HMGB1: variants seen among roughly 807,000 people sequenced by gnomAD.
HMGB1 encodes the protein high mobility group protein B1.
For synonymous variants in HMGB1, 81 were observed against 84.0 expected, an observed-to-expected ratio of 0.96 and a Z score of 0.19; for missense variants, 79 against 253.5, an observed-to-expected ratio of 0.31 and a Z score of 4.67.
chr13:30,504,446 T>C (rs953181488), intron 1 of HMGB1, among the ~76,000 whole-genome samples: 4 of 152,228 alleles, frequency 2.6e-5, no homozygotes, highest in African/African-American at 9.6e-5. Context: ...TTTTGCTTTT[T>C]TTCCCCCCAA....
rs1047721370 is a variant in HMGB1 at position 30,554,839 on chromosome 13, T to C, written c.-15+61832A>G. On this transcript the variant is annotated intron_variant, in intron 1 of 4. Coordinates refer to the HMGB1 transcript ENST00000405805. ...CCTAATATTCATGACTTGAGAATAT[T>C]CTGGAGCTATAAATTTTGAACCACT... 1.1e-5 allele frequency: 8 copies of C among 749,038 alleles called. No homozygotes were observed. The African/African-American group carries it at 1.4e-4, about 13-fold the overall frequency. The allele number at this position is 749,038 out of a possible 1,614,324, so 46.4% of individuals were successfully genotyped here.
chr13:30,463,877 CAAACA>C (rs376384746), intron 1 of HMGB1, 183 bp from the exon 2 acceptor site: 33 of 529,942 alleles, frequency 6.2e-5, no homozygotes, highest in East Asian at 1.7e-4. Context: ...CTATGCCAAG[CAAACA>C]AAACAAAACA....
At chr13:30,609,974 T>C (rs141721551) in intron 1 of HMGB1, among the ~76,000 whole-genome samples, 2 of 152,356 alleles carry the variant, frequency 1.3e-5, no homozygotes, top group African/African-American at 4.8e-5. Context: ...ACATTTTCTT[T>C]ATCCACTCAG....
At chr13:30,533,236 A>C (rs796249547) in intron 1 of HMGB1, among the ~76,000 whole-genome samples, 6 of 152,344 alleles carry the variant, frequency 3.9e-5, no homozygotes, top group African/African-American at 1.2e-4. Flanking sequence ...GCCTGGGGAC[A>C]TTTGTGAAAC....
At chr13:30,607,521 C>A (rs892490343) in intron 1 of HMGB1, among the ~76,000 whole-genome samples, 2 of 151,032 alleles carry the variant, frequency 1.3e-5, no homozygotes, top group African/African-American at 4.9e-5. Flanking sequence ...GCCTCCCCAG[C>A]CATGCAGAAA....
chr13:30,500,782 G>T (rs1887718318), intron 1 of HMGB1, among the ~76,000 whole-genome samples: 1 of 148,662 alleles, frequency 6.7e-6, no homozygotes, highest in African/African-American at 2.5e-5. Context: ...GGAGTGCAAT[G>T]GCATGATCTT....
intron 1 of HMGB1, among the ~76,000 whole-genome samples, chr13:30,491,118 T>G (rs901006123): frequency 1.3e-5 from 2 of 151,930 alleles, no homozygotes; most frequent in African/African-American, 4.8e-5. Context: ...AACCTCTGCC[T>G]CCCAGATTCA....
At chr13:30,574,768 T>C (rs145326132) in intron 1 of HMGB1, among the ~76,000 whole-genome samples, 21 of 152,240 alleles carry the variant, frequency 1.4e-4, no homozygotes, top group Admixed American at 1.1e-3. Flanking sequence ...GGGCTGTCCT[T>C]ACTGCAGAAA....
intron 1 of HMGB1, among the ~76,000 whole-genome samples, chr13:30,535,676 G>A (rs952502477): frequency 6.6e-6 from 1 of 152,218 alleles, no homozygotes; most frequent in Non-Finnish European, 1.5e-5. Context: ...GATCACCTAA[G>A]GTCAGGAGTT....
chr13:30,501,038 A>G (rs1488939116), intron 1 of HMGB1, among the ~76,000 whole-genome samples: 1 of 152,040 alleles, frequency 6.6e-6, no homozygotes, highest in Non-Finnish European at 1.5e-5. Context: ...TGCCCAGACT[A>G]GTCTTGAACT....
rs1277010904 is a variant in HMGB1 at position 30,465,863 on chromosome 13, A to T, written c.-82T>A. On this transcript the variant is annotated 5_prime_UTR_variant, in exon 1 of 5. Coordinates refer to ENST00000341423, the MANE Select transcript of HMGB1 (RefSeq NM_002128.7). ...ACTTGCCCCGGTGCTGTCTCTATGG[A>T]GCTCAATGTACTGCAATGGCTGTGA... is the stretch of plus-strand genomic sequence containing the variant. 1.0e-6 allele frequency: 1 copy of T among 985,540 alleles called. No homozygotes were observed. Among genetic ancestry groups the T allele is most frequent in the Non-Finnish European group, 1.2e-6 (1 of 829,818 alleles). 61.0% of individuals were successfully genotyped at this position (985,540 alleles called of 1,614,324 possible).
chr13:30,554,140 T>C (rs1869564584), intron 1 of HMGB1: 26 of 1,274,590 alleles, frequency 2.0e-5, no homozygotes, highest in Middle Eastern at 4.3e-4. Context: ...ACACAGTACA[T>C]CTACTACGAT....
In HMGB1 at chr13:30,460,403, A is replaced by G. The variant is rs1448699319; in HGVS notation, c.*954T>C. On this transcript the variant is annotated 3_prime_UTR_variant, in exon 5 of 5. Transcript: ENST00000341423. ...GTCTTCACTGAGACTAATGTCAACA[A>G]AAAATTTAATATGGCAGTCTTGTAT... 6.6e-6 allele frequency: 1 copy of G among 151,582 alleles called. No individual in the cohort carries two copies. The highest frequency in any genetic ancestry group is 1.5e-5 in the Non-Finnish European group (1 of 67,742). The allele number at this position is 151,582 out of a possible 1,614,324, so 9.4% of individuals were successfully genotyped here.
At chr13:30,532,212 G>A (rs960382855) in intron 1 of HMGB1, among the ~76,000 whole-genome samples, 2 of 151,516 alleles carry the variant, frequency 1.3e-5, no homozygotes, top group Non-Finnish European at 2.9e-5. Context: ...GTGTGCACCT[G>A]TAATCCCAGC....
chr13:30,535,403 T>C (rs12863093), intron 1 of HMGB1, among the ~76,000 whole-genome samples: 3 of 152,244 alleles, frequency 2.0e-5, no homozygotes, highest in African/African-American at 7.2e-5. Context: ...TATGTATGTA[T>C]TGCTACTTTC....
chr13:30,498,310 A>G (rs12428576), intron 1 of HMGB1, among the ~76,000 whole-genome samples: 54,724 of 151,832 alleles, frequency 0.36, 10,977 homozygotes, highest in Middle Eastern at 0.55. Flanking sequence ...ACAGAGTGAG[A>G]CTCCATCTCA....
At chr13:30,583,056 G>A (rs1004938948) in intron 1 of HMGB1, among the ~76,000 whole-genome samples, 1 of 151,330 alleles carries the variant, frequency 6.6e-6, no homozygotes, top group Non-Finnish European at 1.5e-5. Flanking sequence ...TTGTAGAGAC[G>A]GGGTCTTGCC....
At chr13:30,517,391 C>T (rs557769853) in intron 1 of HMGB1, among the ~76,000 whole-genome samples, 1 of 152,324 alleles carries the variant, frequency 6.6e-6, no homozygotes, top group Admixed American at 6.5e-5. Context: ...TTAATGTGTA[C>T]CAATTTCTCA....
In HMGB1 at chr13:30,581,052, G is replaced by A. The variant is rs181773085; in HGVS notation, c.-15+35619C>T. On this transcript the variant is annotated intron_variant, in intron 1 of 4. Transcript: ENST00000405805. Reference sequence around the variant, plus strand: ...GCTCAAGGAATCCTCTTGCCAAAGAGGTGGGATTACAGGCATGAGTCACCA... The same window carrying A: ...GCTCAAGGAATCCTCTTGCCAAAGAAGTGGGATTACAGGCATGAGTCACCA... Among the ~76,000 whole-genome samples the A allele has an allele frequency of 1.8e-3, 274 of 152,190 alleles. 2 individuals are homozygous for A. The highest frequency in any genetic ancestry group is 6.8e-3 in the Middle Eastern group (2 of 294).
Sources: allele counts gnomAD v4.1 joint callset (sites outside exome capture counted in the v4.1 genomes callset), GRCh38; gene constraint gnomAD v4.1.1; transcripts MANE v1.5; gene names NCBI Gene and HGNC (gene_info 2026-07-23, HGNC 2026-07-21).